Variants in STPG2 observed in about 807,000 individuals in gnomAD.
STPG2 encodes the protein sperm tail PG-rich repeat containing 2, also known as sperm-tail PG-rich repeat-containing protein 2.
Under a neutral mutation model 54.2 loss-of-function variants are expected in STPG2, and 56 were observed. That is an observed-to-expected ratio of 1.03 (90% CI 0.83 to 1.29). The LOEUF (loss-of-function observed/expected upper bound fraction) is 1.29. Ranked by LOEUF, STPG2 falls within the 50% of genes most tolerant of loss-of-function variation. STPG2 has a pLI of 0.00. For missense variants in STPG2, 596 were observed against 544.9 expected (o/e 1.09, Z -0.93); for synonymous variants, 200 against 181.8 (o/e 1.10, Z -0.81).
rs1736317421 is a variant in STPG2 at position 98,023,798 on chromosome 4, T to A, written c.613-42480A>T. Among the ~76,000 whole-genome samples the A allele has an allele frequency of 2.0e-5, 3 of 152,280 alleles. No individual in the cohort carries two copies. In the South Asian group the frequency reaches 6.2e-4, roughly 32 times the overall value. ...TGATCTCAGACTGCTGTGCTAGCAA[T>A]CAGTGAGACTCCATGGTTGTAGGAC... On this transcript the variant is annotated intron_variant, in intron 5 of 10. Transcript: ENST00000295268.
At chr4:97,732,610 A>T (rs1252624965) in intron 9 of STPG2, among the ~76,000 whole-genome samples, 1 of 152,196 alleles carries the variant, frequency 6.6e-6, no homozygotes, top group African/African-American at 2.4e-5. Context: ...AAAAAGAAAT[A>T]ATTAGCAGAG....
intron 10 of STPG2, chr4:97,633,585 G>C (rs1417728516): frequency 6.6e-6 from 1 of 152,196 alleles, no homozygotes; most frequent in Non-Finnish European, 1.5e-5. Context: ...GAGGTACCGG[G>C]TTCATCTCAC....
intron 10 of STPG2, among the ~76,000 whole-genome samples, chr4:97,637,199 A>C (rs1394951757): frequency 6.6e-6 from 1 of 152,160 alleles, no homozygotes; most frequent in Non-Finnish European, 1.5e-5. Context: ...TATGCAAATC[A>C]ATAAATGTAA....
chr4:97,539,027 G>C (rs1387518038), intron 4 of STPG2, among the ~76,000 whole-genome samples: 1 of 152,116 alleles, frequency 6.6e-6, no homozygotes, highest in African/African-American at 2.4e-5. Context: ...TGTCCTACAA[G>C]AGCTCCTGAA....
At chr4:97,593,255 C>T (rs1216784072) in intron 10 of STPG2, among the ~76,000 whole-genome samples, 4 of 152,128 alleles carry the variant, frequency 2.6e-5, no homozygotes, top group Admixed American at 2.6e-4. Flanking sequence ...ACTCTTCTCC[C>T]ACAGTAGCCT....
rs150695658 is a variant in STPG2 at position 98,120,206 on chromosome 4, G to A, written c.387+8222C>T. Among the ~76,000 whole-genome samples, 495 of 152,002 alleles carry A rather than the reference G, an allele frequency of 3.3e-3. 9 individuals are homozygous for A. In the East Asian group the frequency reaches 0.065, roughly 20 times the overall value. On this transcript the variant is annotated intron_variant, in intron 3 of 10. Transcript: ENST00000295268. ...AGCGATTCTTCTGCCTCAGCCTCCC[G>A]AGTAACTGGGACTACAGGTGCATGG...
At chr4:97,898,201 A>G (rs1731034468) in intron 8 of STPG2, among the ~76,000 whole-genome samples, 1 of 152,126 alleles carries the variant, frequency 6.6e-6, no homozygotes, top group Non-Finnish European at 1.5e-5. Flanking sequence ...TTTGTCAAAG[A>G]TCAGATGGTT....
intron 8 of STPG2, among the ~76,000 whole-genome samples, chr4:97,927,833 A>C (rs1238859232): frequency 6.6e-6 from 1 of 152,110 alleles, no homozygotes; most frequent in African/African-American, 2.4e-5. Context: ...ATGCATTTGG[A>C]ATGGTGCCTG....
intron 4 of STPG2, among the ~76,000 whole-genome samples, chr4:97,470,088 T>G (rs1339106843): frequency 6.6e-6 from 1 of 152,170 alleles, no homozygotes; most frequent in Non-Finnish European, 1.5e-5. Context: ...AGATGGTTTA[T>G]GCTTATTTCC....
intron 8 of STPG2, among the ~76,000 whole-genome samples, chr4:97,890,399 C>CA (rs1730722489): frequency 6.6e-6 from 1 of 151,830 alleles, no homozygotes; most frequent in Admixed American, 6.6e-5. Context: ...AGCATGCTAG[C>CA]AAAAGAACAA....
intron 8 of STPG2, among the ~76,000 whole-genome samples, chr4:97,846,887 CAT>C (rs1203066035): frequency 6.6e-6 from 1 of 152,088 alleles, no homozygotes; most frequent in Non-Finnish European, 1.5e-5. Context: ...CATTTCTGTG[CAT>C]ATATATCTTA....
At chr4:97,560,250 T>C (rs1009642374) in intron 10 of STPG2, among the ~76,000 whole-genome samples, 12 of 152,272 alleles carry the variant, frequency 7.9e-5, no homozygotes, top group African/African-American at 2.9e-4. Flanking sequence ...AACTATGAAA[T>C]AGTACCCTTC....
chr4:97,447,822 C>T lies in STPG2; in HGVS notation c.463-259989G>A, dbSNP rs565018657. Among the ~76,000 whole-genome samples the T allele has an allele frequency of 3.3e-5, 5 of 152,308 alleles. No individual in the cohort carries two copies. The East Asian group carries it at 9.7e-4, about 29-fold the overall frequency. On this transcript the variant is annotated intron_variant, in intron 4 of 4. Coordinates refer to the STPG2 transcript ENST00000522676. ...AAGGGAAATGTAGGGTTGGAGCCCCCTCACAGAGTCCCCACTGGTGCATCT... is the reference window on the plus strand; with the variant it reads ...AAGGGAAATGTAGGGTTGGAGCCCCTTCACAGAGTCCCCACTGGTGCATCT...
chr4:97,982,377 TACACACACACACACACACAC>T (rs59489663), intron 5 of STPG2, among the ~76,000 whole-genome samples: 1 of 143,538 alleles, frequency 7.0e-6, no homozygotes, highest in Non-Finnish European at 1.5e-5. Flanking sequence ...TCTCTTACTC[TACACACACACACACACACAC>T]ACACACACAC....
chr4:98,132,168 G>T (rs980300697), intron 2 of STPG2, among the ~76,000 whole-genome samples: 14 of 151,936 alleles, frequency 9.2e-5, no homozygotes, highest in Admixed American at 2.6e-4. Context: ...TCTATACATA[G>T]GTAAACCACT....
intron 8 of STPG2, among the ~76,000 whole-genome samples, chr4:97,908,669 G>A (rs963351866): frequency 1.2e-3 from 177 of 151,704 alleles, no homozygotes; most frequent in African/African-American, 4.1e-3. Flanking sequence ...TATACACCAT[G>A]GAATACTATG....
intron 10 of STPG2, among the ~76,000 whole-genome samples, chr4:97,698,629 C>T (rs1723664317): frequency 6.6e-6 from 1 of 152,140 alleles, no homozygotes; most frequent in African/African-American, 2.4e-5. Context: ...GCCACTTCCA[C>T]TTCCACCCCT....
At chr4:97,576,219 TCAAACTAC>T (rs1170605517) in intron 10 of STPG2, among the ~76,000 whole-genome samples, 1 of 150,444 alleles carries the variant, frequency 6.6e-6, no homozygotes, top group East Asian at 2.0e-4. Flanking sequence ...GATATTGCTA[TCAAACTAC>T]CAAGGTCATT....
In STPG2 at chr4:98,038,967, G is replaced by A. The variant is rs115915623; in HGVS notation, c.613-57649C>T. On this transcript the variant is annotated intron_variant, in intron 5 of 10. Coordinates refer to ENST00000295268, the MANE Select transcript of STPG2 (RefSeq NM_174952.3). ...AAGAGATACACATACCCATCACTCT[G>A]AAGTCAGAAAATACTAAGTGTTGAT... 5.2e-3 allele frequency among the ~76,000 whole-genome samples: 795 copies of A among 152,082 alleles called. 10 individuals carry two copies. The highest frequency in any genetic ancestry group is 0.018 in the African/African-American group (761 of 41,524).
Sources: allele counts gnomAD v4.1 joint callset (sites outside exome capture counted in the v4.1 genomes callset), GRCh38; gene constraint gnomAD v4.1.1; transcripts MANE v1.5; gene names NCBI Gene and HGNC (gene_info 2026-07-23, HGNC 2026-07-21).